Variants in OPN3 observed in about 807,000 individuals in gnomAD.
OPN3 encodes the protein opsin 3.
OPN3 carries 29 observed loss-of-function variants against 33.8 expected under a neutral mutation model. The ratio of observed to expected loss-of-function variants is 0.86; its 90% CI spans 0.64 to 1.17. The LOEUF is 1.17. OPN3 is among the 50% of genes most tolerant of loss of function. The pLI is 0.00. For missense variants in OPN3, 437 were observed against 514.1 expected, an observed-to-expected ratio of 0.85 and a Z score of 1.45; for synonymous variants, 216 against 216.1, an observed-to-expected ratio of 1.00 and a Z score of 0.00.
At chr1:241,620,385 G>C (rs992673987) in intron 1 of OPN3, among the ~76,000 whole-genome samples, 3 of 152,208 alleles carry the variant, frequency 2.0e-5, no homozygotes, top group African/African-American at 7.2e-5. Flanking sequence ...CTAACCCTCA[G>C]AGTGATGGTA....
intron 1 of OPN3, among the ~76,000 whole-genome samples, chr1:241,627,262 T>C (rs1664446006): frequency 6.6e-6 from 1 of 151,362 alleles, no homozygotes; most frequent in South Asian, 2.1e-4. Flanking sequence ...TATAGGATTA[T>C]TTCGCTATTT....
chr1:241,594,817 G>T, intron 3 of OPN3, 126 bp from the exon 4 acceptor site: 1 of 1,022,538 alleles, frequency 9.8e-7, no homozygotes, highest in Non-Finnish European at 1.4e-6. Context: ...GTGGATGTGG[G>T]GTTATGTGGT....
At chr1:241,595,644 A>G (rs1663485363) in intron 3 of OPN3, 1 of 152,138 alleles carries the variant, frequency 6.6e-6, no homozygotes, top group South Asian at 2.1e-4. Flanking sequence ...AAATAGCTAC[A>G]TTGATTTCTG....
chr1:241,635,140 G>A (rs918208141), intron 1 of OPN3: 10 of 1,612,478 alleles, frequency 6.2e-6, no homozygotes, highest in Non-Finnish European at 8.5e-6. Context: ...TTGGTTCATC[G>A]GCCTTATCTT....
chr1:241,594,196 C>T lies in OPN3; in HGVS notation c.*232G>A, dbSNP rs1426944881. ...GAAGATGATGATGTTAGATGCCCAT[C>T]GTGTGCCACAAGTGGTTTTTTCATT... On this transcript the variant is annotated 3_prime_UTR_variant, in exon 4 of 4. Transcript: ENST00000366554. 9.0e-6 allele frequency: 4 copies of T among 446,276 alleles called. No individual in the cohort carries two copies. The highest frequency in any genetic ancestry group is 4.0e-5 in the Admixed American group (1 of 25,108). 27.6% of individuals were successfully genotyped at this position (446,276 alleles called of 1,614,324 possible). A position where few individuals can be genotyped will look rare whatever the true frequency, so the allele number is the denominator to read the frequency against.
At chr1:241,606,571 AAATAAAT>A (rs948450675) in intron 1 of OPN3, among the ~76,000 whole-genome samples, 2 of 150,118 alleles carry the variant, frequency 1.3e-5, no homozygotes, top group African/African-American at 4.9e-5. Flanking sequence ...ATAAATAAAT[AAATAAAT>A]AAATAAATAA....
chr1:241,615,555 C>A (rs988210330), intron 1 of OPN3, among the ~76,000 whole-genome samples: 1 of 152,170 alleles, frequency 6.6e-6, no homozygotes, highest in Non-Finnish European at 1.5e-5. Context: ...AAATTCATTT[C>A]TGTGCCTCAT....
intron 1 of OPN3, among the ~76,000 whole-genome samples, chr1:241,618,036 A>G (rs893830084): frequency 6.6e-6 from 1 of 152,144 alleles, no homozygotes; most frequent in Non-Finnish European, 1.5e-5. Flanking sequence ...TAAAAAAAAG[A>G]AGGTGGGAGA....
At chr1:241,638,293 C>T (rs688659) in intron 1 of OPN3, among the ~76,000 whole-genome samples, 103,297 of 151,900 alleles carry the variant, frequency 0.68, 35,347 homozygotes, top group South Asian at 0.78. Flanking sequence ...GAGAAGTGAC[C>T]AGGAGACACA....
chr1:241,594,229 G>A lies in OPN3; in HGVS notation c.*199C>T. On this transcript the variant is annotated 3_prime_UTR_variant, in exon 4 of 4. Coordinates refer to ENST00000366554, the MANE Select transcript of OPN3 (RefSeq NM_014322.3). ...ACAAGTGGTTTTTTCATTATGTAAAGCACCCGTTGAATTAAAAGAATTTGT... is the reference window on the plus strand; with the variant it reads ...ACAAGTGGTTTTTTCATTATGTAAAACACCCGTTGAATTAAAAGAATTTGT... The A allele has an allele frequency of 3.8e-6, 2 of 528,426 alleles. No individual in the cohort carries two copies. Among genetic ancestry groups the A allele is most frequent in the East Asian group, 6.1e-5 (2 of 32,616 alleles). 32.7% of individuals were successfully genotyped at this position (528,426 alleles called of 1,614,324 possible). A position where few individuals can be genotyped will look rare whatever the true frequency, so the allele number is the denominator to read the frequency against.
chr1:241,605,406 T>C (rs1663803168), intron 1 of OPN3, among the ~76,000 whole-genome samples: 1 of 152,230 alleles, frequency 6.6e-6, no homozygotes, highest in African/African-American at 2.4e-5. Context: ...CAAGGATTGC[T>C]GACAGGGGTC....
intron 1 of OPN3, among the ~76,000 whole-genome samples, chr1:241,625,822 G>A (rs889850467): frequency 6.6e-6 from 1 of 152,152 alleles, no homozygotes; most frequent in African/African-American, 2.4e-5. Context: ...TCTCAACTTG[G>A]CGCTTATCGA....
chr1:241,615,332 G>A (rs1043610549), intron 1 of OPN3, among the ~76,000 whole-genome samples: 4 of 152,066 alleles, frequency 2.6e-5, no homozygotes, highest in African/African-American at 9.7e-5. Flanking sequence ...GATAAAATGG[G>A]AGGCATACGC....
At chr1:241,633,811 C>T (rs1405502280) in intron 1 of OPN3, 3 of 1,613,478 alleles carry the variant, frequency 1.9e-6, no homozygotes, top group South Asian at 2.2e-5. Flanking sequence ...TTTGAAGGTG[C>T]TTCTCTGGGC....
intron 1 of OPN3, chr1:241,613,901 C>T (rs1353849484): frequency 1.3e-5 from 2 of 152,216 alleles, no homozygotes; most frequent in Non-Finnish European, 2.9e-5. Context: ...GGTGTGGTGG[C>T]TCATGCCTGT....
At chr1:241,622,824 T>C (rs1664304250) in intron 1 of OPN3, among the ~76,000 whole-genome samples, 1 of 152,170 alleles carries the variant, frequency 6.6e-6, no homozygotes, top group African/African-American at 2.4e-5. Context: ...TGGGTAATCT[T>C]ATGTAACTGG....
At chr1:241,636,462 T>C (rs1326898269) in intron 1 of OPN3, among the ~76,000 whole-genome samples, 3 of 152,352 alleles carry the variant, frequency 2.0e-5, no homozygotes, top group South Asian at 2.1e-4. Flanking sequence ...ACTATGTGCA[T>C]ACTGCCATGA....
At chr1:241,610,197 G>A (rs754362350) in intron 1 of OPN3, among the ~76,000 whole-genome samples, 17 of 152,210 alleles carry the variant, frequency 1.1e-4, no homozygotes, top group Non-Finnish European at 2.1e-4. Context: ...CAAACTGCCC[G>A]GCATGTTCAC....
intron 1 of OPN3, among the ~76,000 whole-genome samples, chr1:241,619,341 G>T (rs1038193635): frequency 6.6e-6 from 1 of 152,212 alleles, no homozygotes; most frequent in Non-Finnish European, 1.5e-5. Context: ...CTAGTTGAGA[G>T]AGTCAGTACC....
Sources: allele counts gnomAD v4.1 joint callset (sites outside exome capture counted in the v4.1 genomes callset), GRCh38; gene constraint gnomAD v4.1.1; transcripts MANE v1.5; gene names NCBI Gene and HGNC (gene_info 2026-07-23, HGNC 2026-07-21).